Variants in MFSD6 observed in about 807,000 individuals in gnomAD.
MFSD6 encodes major facilitator superfamily domain containing 6, also known as major facilitator superfamily domain-containing protein 6.
Under a neutral mutation model 56.3 loss-of-function variants are expected in MFSD6, and 26 were observed. The observed-to-expected ratio is 0.46, with a 90% CI of 0.34 to 0.64. The LOEUF (loss-of-function observed/expected upper bound fraction) is 0.64. Ranked by LOEUF, MFSD6 falls within the 30% of genes least tolerant of loss-of-function variation. MFSD6 has a pLI of 0.01. For missense variants in MFSD6, 750 were observed against 986.2 expected, an observed-to-expected ratio of 0.76 and a Z score of 3.21; for synonymous variants, 331 against 366.9, an observed-to-expected ratio of 0.90 and a Z score of 1.12.
intron 4 of MFSD6, chr2:190,477,262 G>C (rs1005558549): frequency 1.0e-6 from 1 of 983,794 alleles, no homozygotes; most frequent in Non-Finnish European, 1.2e-6. Context: ...CAATAACAAG[G>C]TAATATGCAA....
intron 4 of MFSD6, among the ~76,000 whole-genome samples, chr2:190,483,627 G>T (rs534922679): frequency 3.3e-5 from 5 of 152,190 alleles, no homozygotes; most frequent in Admixed American, 2.6e-4. Context: ...ACGAGGTCAA[G>T]AGATCAAGAC....
intron 1 of MFSD6, chr2:190,411,827 A>G (rs1690577838): frequency 3.0e-6 from 3 of 985,234 alleles, no homozygotes; most frequent in Non-Finnish European, 3.6e-6. Flanking sequence ...TTCCTCCTCA[A>G]TAAGAATGCT....
chr2:190,428,345 A>G (rs1017566765), intron 2 of MFSD6, among the ~76,000 whole-genome samples: 7 of 152,318 alleles, frequency 4.6e-5, no homozygotes, highest in African/African-American at 1.2e-4. Context: ...TTTGGTTGTC[A>G]TAGGGTCTTA....
chr2:190,490,755 G>GC lies in MFSD6; in HGVS notation c.1891+889_1891+890insC, dbSNP rs1483344297. ...AGGAGGATGAAAATATTTTTGCTCA[G>GC]TTTTTTGGTCCCAGAACAGAGCTCA... On this transcript the variant is annotated intron_variant, in intron 6 of 7. Coordinates refer to ENST00000392328, the MANE Select transcript of MFSD6 (RefSeq NM_017694.4). This position sits in a 1 kb window ranked among gnomAD's most constrained non-coding sequence, Gnocchi z 4.5. Among the ~76,000 whole-genome samples, 1 of 152,132 alleles carries GC rather than the reference G, an allele frequency of 6.6e-6. No homozygotes were observed. Among genetic ancestry groups the GC allele is most frequent in the Non-Finnish European group, 1.5e-5 (1 of 68,022 alleles).
At position 190,488,557 on chromosome 2, in the gene MFSD6, A is replaced by G; in HGVS notation, c.1631-100A>G. The G allele has an allele frequency of 8.9e-7, 1 of 1,120,300 alleles. No homozygotes were observed. Among genetic ancestry groups the G allele is most frequent in the Non-Finnish European group, 1.2e-6 (1 of 834,676 alleles). 69.4% of individuals were successfully genotyped at this position (1,120,300 alleles called of 1,614,324 possible). On this transcript the variant is annotated intron_variant, in intron 4 of 7. Coordinates refer to ENST00000392328, the MANE Select transcript of MFSD6 (RefSeq NM_017694.4). The surrounding 1 kb of genome is among the most constrained non-coding windows in gnomAD (Gnocchi z 6.4). ...TTTAATGTATGTTTTCCCACAACAA[A>G]TCTTAAAAATAGGTGCCTAGTTAAA... is the stretch of plus-strand genomic sequence containing the variant.
At chr2:190,432,478 G>A (rs768440952) in intron 2 of MFSD6, among the ~76,000 whole-genome samples, 1 of 152,138 alleles carries the variant, frequency 6.6e-6, no homozygotes, top group Non-Finnish European at 1.5e-5. Context: ...ATGCAGTGGC[G>A]TGATCTCGGC....
intron 1 of MFSD6, among the ~76,000 whole-genome samples, chr2:190,409,500 A>C (rs887225915): frequency 1.1e-4 from 16 of 152,148 alleles, no homozygotes; most frequent in Admixed American, 1.0e-3. Context: ...TGGGCATGTC[A>C]CATCTTCCTG....
chr2:190,422,747 G>T (rs1042106705), intron 2 of MFSD6, among the ~76,000 whole-genome samples: 8 of 152,052 alleles, frequency 5.3e-5, no homozygotes, highest in Non-Finnish European at 8.8e-5. Context: ...TTATCTTTCA[G>T]TTTTGAGGCA....
At chr2:190,450,625 A>G (rs1686745858) in intron 3 of MFSD6, among the ~76,000 whole-genome samples, 1 of 150,340 alleles carries the variant, frequency 6.7e-6, no homozygotes. Context: ...CCCAAGTAGC[A>G]CAGACTACAG....
At chr2:190,449,457 G>C (rs1389068001) in intron 3 of MFSD6, among the ~76,000 whole-genome samples, 4 of 151,996 alleles carry the variant, frequency 2.6e-5, no homozygotes, top group African/African-American at 9.7e-5. Flanking sequence ...CTAGGTGACA[G>C]AGCAAGACTT....
Position 190,492,738 on chromosome 2 carries a change from C to A in MFSD6, c.1891+2872C>A, listed in dbSNP as rs188799612. Among the ~76,000 whole-genome samples the A allele has an allele frequency of 5.7e-3, 873 of 152,120 alleles. 7 individuals are homozygous for A. Among genetic ancestry groups the A allele is most frequent in the Middle Eastern group, 0.044 (13 of 294 alleles). ...AAGGAAAGATACAGTCTTTTTCAGA[C>A]AAACAAATGCTGAGAGAATTCACCA... On this transcript the variant is annotated intron_variant, in intron 6 of 7. Coordinates refer to ENST00000392328, the MANE Select transcript of MFSD6 (RefSeq NM_017694.4). This position sits in a 1 kb window ranked among gnomAD's most constrained non-coding sequence, Gnocchi z 5.2.
At chr2:190,408,944 C>G (rs914257599) in intron 1 of MFSD6, among the ~76,000 whole-genome samples, 9 of 152,226 alleles carry the variant, frequency 5.9e-5, no homozygotes, top group South Asian at 2.1e-4. Flanking sequence ...CCCGCGCCCT[C>G]GCCATAAACA....
rs574120477 is a variant in MFSD6, at chr2:190,450,752, G to A, written c.1532+13191G>A. On this transcript the variant is annotated intron_variant, in intron 3 of 7. Coordinates refer to ENST00000392328, the MANE Select transcript of MFSD6 (RefSeq NM_017694.4). ...AAGTGATCTGCCCACCTCAGCCTCCGAAAGTGCTGGGTTTATAGGCAATGA... is the reference window on the plus strand; with the variant it reads ...AAGTGATCTGCCCACCTCAGCCTCCAAAAGTGCTGGGTTTATAGGCAATGA... 4.5e-4 allele frequency among the ~76,000 whole-genome samples: 68 copies of A among 152,108 alleles called. No homozygotes were observed. In the South Asian group the frequency reaches 0.013, roughly 28 times the overall value.
chr2:190,438,372 C>T lies in MFSD6; in HGVS notation c.1532+811C>T, dbSNP rs183450267. 8.5e-5 allele frequency among the ~76,000 whole-genome samples: 13 copies of T among 152,148 alleles called. No homozygotes were observed. The highest frequency in any genetic ancestry group is 2.6e-4 in the Admixed American group (4 of 15,270). On this transcript the variant is annotated intron_variant, in intron 3 of 7. Coordinates refer to ENST00000392328, the MANE Select transcript of MFSD6 (RefSeq NM_017694.4). This position sits in a 1 kb window ranked among gnomAD's most constrained non-coding sequence, Gnocchi z 5.2. The stretch of plus-strand genomic sequence containing the variant: ...CTCTACTAAAAATACAAAAGTTAGC[C>T]GGGCATGGTGGCACGCACCCGTAGT...
intron 4 of MFSD6, among the ~76,000 whole-genome samples, chr2:190,480,891 A>G (rs1688626490): frequency 6.6e-6 from 1 of 152,244 alleles, no homozygotes; most frequent in African/African-American, 2.4e-5. Flanking sequence ...ATAAATAAAT[A>G]TAAATCAGGA....
rs1360344923 is a variant in MFSD6 at position 190,501,836 on chromosome 2, T to C, written c.*1618T>C. 1 of 152,694 alleles carries C rather than the reference T, an allele frequency of 6.5e-6. No individual in the cohort carries two copies. Among genetic ancestry groups the C allele is most frequent in the Admixed American group, 6.5e-5 (1 of 15,286 alleles). The allele number at this position is 152,694 out of a possible 1,614,324, so 9.5% of individuals were successfully genotyped here. A position where few individuals can be genotyped will look rare whatever the true frequency, so the allele number is the denominator to read the frequency against. On this transcript the variant is annotated 3_prime_UTR_variant, in exon 8 of 8. Coordinates refer to ENST00000392328, the MANE Select transcript of MFSD6 (RefSeq NM_017694.4). ...ACTGTACTGTAAATTATGACTCATT[T>C]TAAGTGACCTTTAAAATCAGATGTA... is the stretch of plus-strand genomic sequence containing the variant.
intron 4 of MFSD6, among the ~76,000 whole-genome samples, chr2:190,478,355 G>T (rs1226654918): frequency 6.6e-6 from 1 of 152,174 alleles, no homozygotes; most frequent in African/African-American, 2.4e-5. Flanking sequence ...CCTGGCAGAA[G>T]TGAGTGCTGA....
rs1689060497 is a variant in MFSD6, at chr2:190,487,160, G to A, written c.1631-1497G>A. On this transcript the variant is annotated intron_variant, in intron 4 of 7. Transcript: ENST00000392328. The surrounding 1 kb of genome is among the most constrained non-coding windows in gnomAD (Gnocchi z 5.5). ...GATCAAGACCATCCTGGCCAACGTG[G>A]TGAAACCCTGTCTCTACTAAAAATA... Among the ~76,000 whole-genome samples, 1 of 152,054 alleles carries A rather than the reference G, an allele frequency of 6.6e-6. No individual in the cohort carries two copies. The highest frequency in any genetic ancestry group is 1.5e-5 in the Non-Finnish European group (1 of 68,014).
At chr2:190,481,078 G>A (rs1039171849) in intron 4 of MFSD6, among the ~76,000 whole-genome samples, 3 of 152,168 alleles carry the variant, frequency 2.0e-5, no homozygotes. Context: ...ATCTTTATTG[G>A]CTGATAGAAA....
Sources: gnomAD v4.1 joint callset for allele counts (sites outside exome capture counted in the v4.1 genomes callset) on GRCh38, gnomAD v4.1.1 for gene constraint, Gnocchi (gnomAD v3.1) non-coding constraint, MANE v1.5 for transcripts, NCBI Gene and HGNC (gene_info 2026-07-23, HGNC 2026-07-21) for gene names.